The following GNG7 variants were observed in gnomAD, a reference collection of about 807,000 sequenced individuals.
GNG7 encodes the protein guanine nucleotide-binding protein G(I)/G(S)/G(O) subunit gamma-7.
In GNG7, 1 loss-of-function variant was observed where a neutral mutation model predicts 4.0. The observed-to-expected ratio is 0.25, with a 90% confidence interval of 0.09 to 1.18. The LOEUF (loss-of-function observed/expected upper bound fraction) is 1.18. Ranked by LOEUF, GNG7 falls within the 50% of genes most tolerant of loss-of-function variation. GNG7 has a pLI of 0.50. For synonymous variants in GNG7, 34 were observed against 36.9 expected (o/e 0.92, Z 0.29); for missense variants, 86 against 91.9 (o/e 0.94, Z 0.26).
intron 3 of GNG7, chr19:2,538,267 C>T (rs1055358889): frequency 2.6e-5 from 12 of 456,464 alleles, no homozygotes; most frequent in Admixed American, 2.6e-4. Flanking sequence ...GGTCAGTCTG[C>T]TGAGAATGAA....
At chr19:2,616,160 G>A (rs1299195442) in intron 2 of GNG7, among the ~76,000 whole-genome samples, 1 of 152,228 alleles carries the variant, frequency 6.6e-6, no homozygotes, top group Non-Finnish European at 1.5e-5. Flanking sequence ...TGTGATCCCA[G>A]TGCTTTGGGA....
At chr19:2,595,724 G>C (rs1339554852) in intron 2 of GNG7, among the ~76,000 whole-genome samples, 7 of 146,762 alleles carry the variant, frequency 4.8e-5, no homozygotes, top group Non-Finnish European at 1.0e-4. Flanking sequence ...AACAGAGTGA[G>C]ACTCTGTCTC....
In GNG7 at chr19:2,617,153, C is replaced by T. The variant is rs545821425; in HGVS notation, c.-78+29071G>A. ...TCTCTGGGATGGGGCCATCCTGGTG[C>T]ACTGCAGGGTGCTGAGTGGCGTCCC... On this transcript the variant is annotated intron_variant, in intron 2 of 4. Coordinates refer to ENST00000382159, the MANE Select transcript of GNG7 (RefSeq NM_052847.3). The surrounding 1 kb of genome is among the most constrained non-coding windows in gnomAD (Gnocchi z 4.7). Among the ~76,000 whole-genome samples, 356 of 152,332 alleles carry T rather than the reference C, an allele frequency of 2.3e-3. 3 individuals are homozygous for T. Among genetic ancestry groups the T allele is most frequent in the African/African-American group, 8.3e-3 (346 of 41,574 alleles).
At position 2,699,360 on chromosome 19, in the gene GNG7, G is replaced by A. The variant is rs370456755; in HGVS notation, c.-135+3286C>T. ...GATGGGGTTTCACCATGTTGGCCAG[G>A]ATGGTCTTGAATTCCTGACCTCAAG... is the stretch of plus-strand genomic sequence containing the variant. On this transcript the variant is annotated intron_variant, in intron 1 of 4. Transcript: ENST00000382159. Among the ~76,000 whole-genome samples the A allele has an allele frequency of 3.3e-3, 501 of 152,184 alleles. 4 individuals carry two copies. The highest frequency in any genetic ancestry group is 5.2e-3 in the South Asian group (25 of 4,822).
In GNG7 at chr19:2,512,823, C is replaced by G. The variant is rs1599366520; in HGVS notation, c.*2199G>C. On this transcript the variant is annotated 3_prime_UTR_variant, in exon 5 of 5. Coordinates refer to ENST00000382159, the MANE Select transcript of GNG7 (RefSeq NM_052847.3). The surrounding 1 kb of genome is among the most constrained non-coding windows in gnomAD (Gnocchi z 4.7). ...GTTGGAAAGGGTGGAGGCAGGCGGG[C>G]TCTCCCTGCCTGGGGTCCTCCCAGG... 36 of 829,106 alleles carry G rather than the reference C, an allele frequency of 4.3e-5. No homozygotes were observed. Among genetic ancestry groups the G allele is most frequent in the Non-Finnish European group, 5.1e-5 (35 of 686,828 alleles). 51.4% of individuals were successfully genotyped at this position (829,106 alleles called of 1,614,324 possible).
intron 2 of GNG7, among the ~76,000 whole-genome samples, chr19:2,587,805 C>T (rs1400768890): frequency 2.6e-5 from 4 of 151,262 alleles, no homozygotes; most frequent in East Asian, 3.9e-4. Context: ...CGTGCCACTG[C>T]ACTCCAGCCT....
At chr19:2,642,558 G>A (rs1982536777) in intron 2 of GNG7, 2 of 354,814 alleles carry the variant, frequency 5.6e-6, no homozygotes, top group Non-Finnish European at 5.5e-6. Flanking sequence ...TAGAGATGGG[G>A]TTTCACCATG....
At chr19:2,541,914 C>G (rs1396236603) in intron 3 of GNG7, among the ~76,000 whole-genome samples, 1 of 151,638 alleles carries the variant, frequency 6.6e-6, no homozygotes, top group Non-Finnish European at 1.5e-5. Context: ...GACTCTGTCT[C>G]AAGAAAATAA....
intron 1 of GNG7, among the ~76,000 whole-genome samples, chr19:2,693,655 G>C (rs1913183384): frequency 6.6e-6 from 1 of 152,092 alleles, no homozygotes; most frequent in South Asian, 2.1e-4. Flanking sequence ...AGGGCGCTGA[G>C]CAGTGTCCAT....
intron 3 of GNG7, among the ~76,000 whole-genome samples, chr19:2,539,911 C>T (rs1287035083): frequency 7.8e-5 from 11 of 140,314 alleles, no homozygotes; most frequent in East Asian, 2.5e-4. Flanking sequence ...TTCCCTCCCT[C>T]CCTCTTTCTC....
intron 1 of GNG7, among the ~76,000 whole-genome samples, chr19:2,697,793 C>G (rs558288296): frequency 0.015 from 2,203 of 151,200 alleles, 24 homozygotes; most frequent in Non-Finnish European, 0.021. Flanking sequence ...CCGTCCCCCC[C>G]CCCGCCCGTC....
chr19:2,651,459 CTCTT>C (rs1568274585), intron 1 of GNG7, among the ~76,000 whole-genome samples: 6 of 145,616 alleles, frequency 4.1e-5, no homozygotes, highest in Admixed American at 6.9e-5. Flanking sequence ...TTTCCTCCCT[CTCTT>C]TCTCTTTTTC....
At chr19:2,525,871 G>A (rs956798682) in intron 3 of GNG7, among the ~76,000 whole-genome samples, 5 of 151,706 alleles carry the variant, frequency 3.3e-5, no homozygotes, top group South Asian at 2.1e-4. Context: ...GTGCGGTGGC[G>A]CGATCTCAGC....
In GNG7 at chr19:2,529,483, G is replaced by T. The variant is rs143936504; in HGVS notation, c.-37-8758C>A. On this transcript the variant is annotated intron_variant, in intron 3 of 4. Transcript: ENST00000382159. ...TCCACCTGCCTGGGCCTCCCAAAGT[G>T]CTGGGATGACAGGCGTGAGCCACCA... 9.0e-3 allele frequency among the ~76,000 whole-genome samples: 1,375 copies of T among 152,324 alleles called. 22 individuals carry two copies. Among genetic ancestry groups the T allele is most frequent in the African/African-American group, 0.032 (1,317 of 41,570 alleles).
At chr19:2,672,660 G>T (rs1002729178) in intron 1 of GNG7, among the ~76,000 whole-genome samples, 3 of 152,000 alleles carry the variant, frequency 2.0e-5, no homozygotes, top group African/African-American at 7.3e-5. Context: ...TGGCCAGCTT[G>T]GTCTCAAACT....
chr19:2,612,477 A>AG (rs1158640666), intron 2 of GNG7, among the ~76,000 whole-genome samples: 1 of 151,904 alleles, frequency 6.6e-6, no homozygotes, highest in Non-Finnish European at 1.5e-5. Flanking sequence ...GGGAGAGGGG[A>AG]GGGGCCTCAG....
intron 2 of GNG7, among the ~76,000 whole-genome samples, chr19:2,635,889 G>T (rs1982295196): frequency 6.6e-6 from 1 of 152,052 alleles, no homozygotes; most frequent in Non-Finnish European, 1.5e-5. Flanking sequence ...GGCCAACTTG[G>T]GGTGATTCTG....
intron 1 of GNG7, among the ~76,000 whole-genome samples, chr19:2,652,272 A>G (rs1217279453): frequency 6.6e-6 from 1 of 152,168 alleles, no homozygotes; most frequent in Non-Finnish European, 1.5e-5. Flanking sequence ...GCTGAGAGAG[A>G]AAAACACTGC....
At chr19:2,559,359 T>C (rs2144767443) in intron 2 of GNG7, among the ~76,000 whole-genome samples, 1 of 151,056 alleles carries the variant, frequency 6.6e-6, no homozygotes, top group South Asian at 2.1e-4. Context: ...GTCTTTTTTT[T>C]TTTTTTTTTG....
Sources: gnomAD v4.1 joint callset for allele counts (sites outside exome capture counted in the v4.1 genomes callset) on GRCh38, gnomAD v4.1.1 for gene constraint, Gnocchi (gnomAD v3.1) non-coding constraint, MANE v1.5 for transcripts, NCBI Gene and HGNC (gene_info 2026-07-23, HGNC 2026-07-21) for gene names.